PRKCB: variants seen among roughly 807,000 people sequenced by gnomAD.
The protein encoded by PRKCB is protein kinase C beta.
A neutral mutation model predicts 81.5 loss-of-function variants in PRKCB; 13 were observed. The observed-to-expected ratio is 0.16, with a 90% CI of 0.10 to 0.25. PRKCB has a LOEUF of 0.25. PRKCB is among the 10% of genes least tolerant of loss of function. The pLI, the probability that PRKCB is intolerant of heterozygous loss-of-function variation, is 1.00. For synonymous variants in PRKCB, 335 were observed against 321.4 expected, an observed-to-expected ratio of 1.04 and a Z score of -0.45; for missense variants, 509 against 875.7, an observed-to-expected ratio of 0.58 and a Z score of 5.29.
chr16:23,902,131 G>A (rs1020118588), intron 2 of PRKCB, among the ~76,000 whole-genome samples: 3 of 152,142 alleles, frequency 2.0e-5, no homozygotes, highest in East Asian at 1.9e-4. Flanking sequence ...GCAGCTTGGG[G>A]GAAACTGGAG....
chr16:24,119,830 C>T (rs1052843259), intron 8 of PRKCB, among the ~76,000 whole-genome samples: 7 of 152,220 alleles, frequency 4.6e-5, no homozygotes, highest in Admixed American at 3.3e-4. Flanking sequence ...TGCTCAAGCC[C>T]CAAACCCATG....
intron 2 of PRKCB, among the ~76,000 whole-genome samples, chr16:23,964,674 GTT>G (rs71381628): frequency 7.2e-6 from 1 of 138,864 alleles, no homozygotes; most frequent in Admixed American, 7.2e-5. Flanking sequence ...ACCTCATGAG[GTT>G]TTTTTTTTTT....
At position 24,219,729 on chromosome 16, in the gene PRKCB, A is replaced by C. The variant is rs898719109; in HGVS notation, c.*4913A>C. ...CACTTTATGGCAATTCTTAACTGAC[A>C]TTCAATGACTTACTTCTTTTCTTAG... On this transcript the variant is annotated 3_prime_UTR_variant, in exon 17 of 17. Transcript: ENST00000643927. The C allele has an allele frequency of 7.3e-7, 1 of 1,368,420 alleles. No homozygotes were observed. The highest frequency in any genetic ancestry group is 1.5e-5 in the African/African-American group (1 of 68,138). 84.8% of individuals were successfully genotyped at this position (1,368,420 alleles called of 1,614,324 possible).
chr16:24,065,855 A>G (rs1394008280), intron 5 of PRKCB, among the ~76,000 whole-genome samples: 3 of 152,160 alleles, frequency 2.0e-5, no homozygotes, highest in Non-Finnish European at 2.9e-5. Context: ...GGGAAAAAAA[A>G]TCTTTATTTC....
intron 5 of PRKCB, among the ~76,000 whole-genome samples, chr16:24,063,844 G>C (rs540854132): frequency 2.0e-5 from 3 of 152,164 alleles, no homozygotes; most frequent in Admixed American, 2.0e-4. Context: ...ATCACTGTTT[G>C]TGGTGGCAAA....
intron 9 of PRKCB, among the ~76,000 whole-genome samples, chr16:24,134,921 A>G (rs1966859985): frequency 6.6e-6 from 1 of 152,100 alleles, no homozygotes; most frequent in Non-Finnish European, 1.5e-5. Context: ...TTATATATTT[A>G]GAAAGCTGCA....
At chr16:24,132,102 A>T (rs1419863660) in intron 9 of PRKCB, among the ~76,000 whole-genome samples, 2 of 151,940 alleles carry the variant, frequency 1.3e-5, no homozygotes, top group East Asian at 3.9e-4. Context: ...CAGCAAAGCT[A>T]CTCTTTGGAG....
At chr16:23,876,800 A>G (rs1963021245) in intron 2 of PRKCB, among the ~76,000 whole-genome samples, 1 of 152,174 alleles carries the variant, frequency 6.6e-6, no homozygotes, top group South Asian at 2.1e-4. Context: ...ACCACTACTC[A>G]AAACAATGTT....
chr16:23,979,793 C>G (rs1392012942), intron 2 of PRKCB, among the ~76,000 whole-genome samples: 1 of 152,188 alleles, frequency 6.6e-6, no homozygotes, highest in African/African-American at 2.4e-5. Context: ...GCTGAACAAC[C>G]TTGGGCAAAT....
chr16:24,192,961 T>C (rs1172560544), intron 16 of PRKCB, among the ~76,000 whole-genome samples: 6 of 151,588 alleles, frequency 4.0e-5, no homozygotes, highest in Non-Finnish European at 8.8e-5. Context: ...AATCATCTCC[T>C]TTTTTTTCTT....
rs182655934 is a variant in PRKCB at position 23,906,651 on chromosome 16, G to A, written c.205+69245G>A. Among the ~76,000 whole-genome samples the A allele has an allele frequency of 5.6e-3, 845 of 150,106 alleles. 22 individuals carry two copies. Among genetic ancestry groups the A allele is most frequent in the African/African-American group, 0.019 (762 of 40,926 alleles). Reference sequence around the variant, plus strand: ...TTACTACTTTAACTTCTTTTTTTTTGCATTTAAATCTTTAATCCATCTGGA... The same window carrying A: ...TTACTACTTTAACTTCTTTTTTTTTACATTTAAATCTTTAATCCATCTGGA... On this transcript the variant is annotated intron_variant, in intron 2 of 16. Transcript: ENST00000643927.
At chr16:24,109,933 C>T (rs1043225397) in intron 7 of PRKCB, among the ~76,000 whole-genome samples, 2 of 126,918 alleles carry the variant, frequency 1.6e-5, no homozygotes, top group African/African-American at 7.4e-5. Flanking sequence ...AGCGAAACCC[C>T]GTCTCCACCA....
chr16:23,974,378 TGA>T (rs543738864), intron 2 of PRKCB, among the ~76,000 whole-genome samples: 80 of 152,100 alleles, frequency 5.3e-4, no homozygotes, highest in South Asian at 1.5e-3. Context: ...GATGCTTCAG[TGA>T]GAGAGAGTCC....
intron 9 of PRKCB, among the ~76,000 whole-genome samples, chr16:24,124,900 C>T (rs1966840107): frequency 2.0e-5 from 3 of 152,200 alleles, no homozygotes; most frequent in Admixed American, 6.5e-5. Context: ...CGAATTCTGA[C>T]AGTTCCTTCA....
At chr16:24,053,238 AG>A (rs898923819) in intron 5 of PRKCB, among the ~76,000 whole-genome samples, 2 of 152,244 alleles carry the variant, frequency 1.3e-5, no homozygotes, top group Non-Finnish European at 2.9e-5. Flanking sequence ...TAGTCACTGG[AG>A]ATTTGTCAGA....
rs568581739 is a variant in PRKCB, at chr16:24,040,238, T to C, written c.529+4691T>C. Among the ~76,000 whole-genome samples, 4 of 152,218 alleles carry C rather than the reference T, an allele frequency of 2.6e-5. No homozygotes were observed. The South Asian group carries it at 8.3e-4, about 32-fold the overall frequency. ...CATCAATGGTTTCCCATTGTCTTTA[T>C]AACAGACTAAATCTAACATGGCGAT... On this transcript the variant is annotated intron_variant, in intron 5 of 16. Coordinates refer to ENST00000643927, the MANE Select transcript of PRKCB (RefSeq NM_002738.7).
chr16:24,101,874 A>C (rs929204639), intron 7 of PRKCB, among the ~76,000 whole-genome samples: 1 of 152,228 alleles, frequency 6.6e-6, no homozygotes, highest in African/African-American at 2.4e-5. Flanking sequence ...TAAGCCCAAA[A>C]TATTACTGCA....
At chr16:24,147,169 A>G (rs1252442884) in intron 9 of PRKCB, among the ~76,000 whole-genome samples, 3 of 151,808 alleles carry the variant, frequency 2.0e-5, no homozygotes, top group Admixed American at 2.0e-4. Flanking sequence ...TTAGCCGGGC[A>G]TCGTGGCGGG....
At chr16:23,846,412 C>T (rs1346937554) in intron 2 of PRKCB, among the ~76,000 whole-genome samples, 1 of 151,722 alleles carries the variant, frequency 6.6e-6, no homozygotes, top group African/African-American at 2.4e-5. Context: ...GAATTCGAGA[C>T]CAGCCTGGCC....
Sources: allele counts gnomAD v4.1 joint callset (sites outside exome capture counted in the v4.1 genomes callset), GRCh38; gene constraint gnomAD v4.1.1; transcripts MANE v1.5; gene names NCBI Gene and HGNC (gene_info 2026-07-23, HGNC 2026-07-21).